Variants in GSAP observed in about 807,000 individuals in gnomAD.
GSAP encodes the protein gamma-secretase-activating protein.
Under a neutral mutation model 131.7 loss-of-function variants are expected in GSAP, and 118 were observed. The ratio of observed to expected loss-of-function variants is 0.90; its 90% CI spans 0.77 to 1.04. The LOEUF is 1.04. Ranked by LOEUF, GSAP falls within the 50% of genes least tolerant of loss-of-function variation. GSAP has a pLI of 0.00. For missense variants in GSAP, 1,019 were observed against 1,013.2 expected, an observed-to-expected ratio of 1.01 and a Z score of -0.08; for synonymous variants, 381 against 363.4, an observed-to-expected ratio of 1.05 and a Z score of -0.55.
intron 19 of GSAP, among the ~76,000 whole-genome samples, chr7:77,343,585 T>TA (rs1227817398): frequency 2.3e-4 from 35 of 152,278 alleles, no homozygotes; most frequent in African/African-American, 6.7e-4. Flanking sequence ...ATCCCATCGC[T>TA]CAAGGCAACG....
At chr7:77,349,753 G>A (rs1392719307) in intron 18 of GSAP, among the ~76,000 whole-genome samples, 1 of 152,150 alleles carries the variant, frequency 6.6e-6, no homozygotes, top group Non-Finnish European at 1.5e-5. Context: ...CGATAAAGGG[G>A]AAATGTTTCA....
chr7:77,311,315 C>G lies in GSAP; in HGVS notation c.*43G>C, dbSNP rs759453349. On this transcript the variant is annotated 3_prime_UTR_variant, in exon 31 of 31. Transcript: ENST00000257626. Reference sequence around the variant, plus strand: ...TTCTCAAAGGAGTAAGGTTAATGAGCAAGATTAAAATGGCAGCAGCAGATC... The same window carrying G: ...TTCTCAAAGGAGTAAGGTTAATGAGGAAGATTAAAATGGCAGCAGCAGATC... 1 of 1,091,620 alleles carries G rather than the reference C, an allele frequency of 9.2e-7. No individual in the cohort carries two copies. The highest frequency in any genetic ancestry group is 2.4e-5 in the East Asian group (1 of 42,482). The allele number at this position is 1,091,620 out of a possible 1,614,324, so 67.6% of individuals were successfully genotyped here. A position where few individuals can be genotyped will look rare whatever the true frequency, so the allele number is the denominator to read the frequency against.
Position 77,373,223 on chromosome 7 carries a change from T to C in GSAP, c.871+847A>G, listed in dbSNP as rs548476937. Among the ~76,000 whole-genome samples the C allele has an allele frequency of 2.6e-5, 4 of 152,332 alleles. No homozygotes were observed. In the South Asian group the frequency reaches 8.3e-4, roughly 32 times the overall value. On this transcript the variant is annotated intron_variant, in intron 12 of 30. Transcript: ENST00000257626. Reference sequence around the variant, plus strand: ...TCTATTTAAATACTAAGTGTGCACTTATGTAATGTCTAAAATCTGTGCCAA... The same window carrying C: ...TCTATTTAAATACTAAGTGTGCACTCATGTAATGTCTAAAATCTGTGCCAA...
At chr7:77,350,473 C>T (rs557413314) in intron 18 of GSAP, among the ~76,000 whole-genome samples, 3 of 150,786 alleles carry the variant, frequency 2.0e-5, no homozygotes, top group East Asian at 3.9e-4. Context: ...CAGTGGCTCG[C>T]GCCTGTAATC....
At chr7:77,343,181 G>C (rs1013345680) in intron 19 of GSAP, among the ~76,000 whole-genome samples, 1 of 145,136 alleles carries the variant, frequency 6.9e-6, no homozygotes, top group East Asian at 2.4e-4. Context: ...TGTGGCAGCT[G>C]CCGCGCTTTA....
At position 77,334,579 on chromosome 7, in the gene GSAP, T is replaced by TAAAAAAAAAAAAAAAAAAAAAAA. The variant is rs1200040086; in HGVS notation, c.1546-4213_1546-4212insTTTTTTTTTTTTTTTTTTTTTTT. Reference sequence around the variant, plus strand: ...GCCCATGTATCCTGGAACTTAAAATTTAAAAAAAAAAAAAAAAAAAAAAAA... The same window carrying TAAAAAAAAAAAAAAAAAAAAAAA: ...GCCCATGTATCCTGGAACTTAAAATTAAAAAAAAAAAAAAAAAAAAAAATAAAAAAAAAAAAAAAAAAAAAAAA... On this transcript the variant is annotated intron_variant, in intron 19 of 30. Coordinates refer to ENST00000257626, the MANE Select transcript of GSAP (RefSeq NM_017439.4). 2.8e-3 allele frequency among the ~76,000 whole-genome samples: 232 copies of TAAAAAAAAAAAAAAAAAAAAAAA among 82,344 alleles called. 33 individuals carry two copies. Among genetic ancestry groups the TAAAAAAAAAAAAAAAAAAAAAAA allele is most frequent in the Non-Finnish European group, 4.1e-3 (174 of 42,550 alleles). 54.0% of individuals were successfully genotyped at this position (82,344 alleles called of 152,430 possible). A position where few individuals can be genotyped will look rare whatever the true frequency, so the allele number is the denominator to read the frequency against.
At position 77,349,416 on chromosome 7, in the gene GSAP, A is replaced by G. The variant is rs567563290; in HGVS notation, c.1492-12T>C. The G allele has an allele frequency of 6.2e-7, 1 of 1,607,830 alleles. No homozygotes were observed. Among genetic ancestry groups the G allele is most frequent in the Admixed American group, 1.7e-5 (1 of 59,998 alleles). On this transcript the variant is annotated splice_polypyrimidine_tract_variant and intron_variant, in intron 18 of 30. Coordinates refer to ENST00000257626, the MANE Select transcript of GSAP (RefSeq NM_017439.4). ...ATTCCAGGAATTTCCTATAGTGGGG[A>G]AAAACACACACACACAGCTGCTCAG...
rs567106369 is a variant in GSAP at position 77,336,562 on chromosome 7, T to G, written c.1546-6195A>C. 3.3e-5 allele frequency among the ~76,000 whole-genome samples: 5 copies of G among 152,304 alleles called. No individual in the cohort carries two copies. The East Asian group carries it at 9.6e-4, about 29-fold the overall frequency. ...GTGCAATGGCGCAATCTTGGCTCACTGCAACCTCCACCACCTCCCAGGTTC... is the reference window on the plus strand; with the variant it reads ...GTGCAATGGCGCAATCTTGGCTCACGGCAACCTCCACCACCTCCCAGGTTC... On this transcript the variant is annotated intron_variant, in intron 19 of 30. Transcript: ENST00000257626.
chr7:77,351,016 G>A, intron 18 of GSAP: 1 of 533,502 alleles, frequency 1.9e-6, no homozygotes, highest in Non-Finnish European at 2.4e-6. Flanking sequence ...AATATTTTAG[G>A]AGATGTAATG....
chr7:77,334,908 C>T (rs1789737041), intron 19 of GSAP, among the ~76,000 whole-genome samples: 2 of 151,174 alleles, frequency 1.3e-5, no homozygotes, highest in East Asian at 3.9e-4. Flanking sequence ...CACAGTGAAA[C>T]CCCGTCTCTA....
intron 8 of GSAP, among the ~76,000 whole-genome samples, chr7:77,378,358 C>T (rs920114869): frequency 1.3e-5 from 2 of 152,062 alleles, no homozygotes; most frequent in African/African-American, 4.8e-5. Flanking sequence ...GTGGTGCATG[C>T]CTGTAATCCC....
At chr7:77,373,075 C>T (rs576620842) in intron 12 of GSAP, among the ~76,000 whole-genome samples, 2 of 152,098 alleles carry the variant, frequency 1.3e-5, no homozygotes, top group Non-Finnish European at 2.9e-5. Flanking sequence ...GATGGAATAT[C>T]TTGGAGGGAG....
chr7:77,389,509 C>T (rs866492481), intron 5 of GSAP, among the ~76,000 whole-genome samples: 6 of 151,396 alleles, frequency 4.0e-5, no homozygotes, highest in South Asian at 2.1e-4. Flanking sequence ...GTTCGATTCC[C>T]ACCTATGAGT....
chr7:77,401,790 G>A (rs1009429982), intron 3 of GSAP, among the ~76,000 whole-genome samples: 5 of 152,086 alleles, frequency 3.3e-5, no homozygotes, highest in South Asian at 2.1e-4. Context: ...AGGAAATATC[G>A]AAGACAATCA....
At position 77,376,885 on chromosome 7, in the gene GSAP, C is replaced by A. The variant is rs748204633; in HGVS notation, c.704G>T (p.Cys235Phe). ...GCTCTCATCAGCATAAAACTGGATA[C>A]ATTTTAAGATACTCCTTGATTTCTA... ...DLKKSRSILK[C>F]IQFYADESYN... Residue 235 changes from cysteine to phenylalanine, a missense_variant, in exon 10 of 31, where the codon TGT (cysteine) becomes TTT (phenylalanine). Transcript: ENST00000257626. The A allele has an allele frequency of 6.8e-7, 1 of 1,475,854 alleles. No homozygotes were observed. Among genetic ancestry groups the A allele is most frequent in the Non-Finnish European group, 9.2e-7 (1 of 1,081,290 alleles). The allele number at this position is 1,475,854 out of a possible 1,614,324, so 91.4% of individuals were successfully genotyped here.
intron 6 of GSAP, among the ~76,000 whole-genome samples, chr7:77,384,859 C>T (rs890392416): frequency 3.9e-5 from 6 of 151,952 alleles, no homozygotes; most frequent in South Asian, 2.1e-4. Flanking sequence ...AGGGAGAAGG[C>T]GGGGATTTGC....
chr7:77,321,338 G>A lies in GSAP; in HGVS notation c.1989C>T (p.Leu663=). 2 of 1,584,466 alleles carry A rather than the reference G, an allele frequency of 1.3e-6. No homozygotes were observed. The highest frequency in any genetic ancestry group is 8.7e-7 in the Non-Finnish European group (1 of 1,153,046). ...WRKHNLHSWV[L]HFNSRGSAAE... is the part of the protein sequence containing the mutation. ...AGTGAGAAATACTTGCGTACAAGTG[G>A]AGAACCCAGGAATGAAGATTATGTT... The change falls in exon 25 of 31, where the codon CTC becomes CTT. Residue 663 remains leucine, a synonymous_variant. Transcript: ENST00000257626.
rs201156464 is a variant in GSAP, at chr7:77,377,339, C to T, written c.628G>A (p.Val210Ile). ...TCTGACATATCCCACTGAGCCCAAA[C>T]GAAATCCTCAGCTATTCTGTCTCTT... is the stretch of plus-strand genomic sequence containing the variant. ...LPRDRIAEDFVWAQWDMSEQR... is the reference protein window; with the variant it reads ...LPRDRIAEDFIWAQWDMSEQR... Residue 210 changes from valine (V) to isoleucine (I), a missense_variant, in exon 9 of 31, where the codon GTT (valine) becomes ATT (isoleucine). Val to Ile is a conservative substitution (Grantham distance 29). Coordinates refer to ENST00000257626, the MANE Select transcript of GSAP (RefSeq NM_017439.4). The T allele has an allele frequency of 9.0e-5, 140 of 1,563,638 alleles. 2 individuals carry two copies. Among genetic ancestry groups the T allele is most frequent in the South Asian group, 5.1e-4 (44 of 86,978 alleles).
chr7:77,377,663 C>T (rs980636742), intron 8 of GSAP, among the ~76,000 whole-genome samples: 1 of 152,164 alleles, frequency 6.6e-6, no homozygotes, highest in Non-Finnish European at 1.5e-5. Flanking sequence ...TTGAAGACAA[C>T]ACCACACCTC....
Sources: gnomAD v4.1 joint callset for allele counts (sites outside exome capture counted in the v4.1 genomes callset) on GRCh38, gnomAD v4.1.1 for gene constraint, MANE v1.5 for transcripts, NCBI Gene and HGNC (gene_info 2026-07-23, HGNC 2026-07-21) for gene names.